SV2B: variants seen among roughly 807,000 people sequenced by gnomAD.
SV2B encodes synaptic vesicle glycoprotein 2B.
A neutral mutation model predicts 73.9 loss-of-function variants in SV2B; 41 were observed. That is an observed-to-expected ratio of 0.56 (90% CI 0.43 to 0.72). The LOEUF is 0.72. SV2B is among the 30% of genes least tolerant of loss of function. The pLI is 0.00. For synonymous variants in SV2B, 314 were observed against 314.2 expected (o/e 1.00, Z 0.01); for missense variants, 764 against 857.8 (o/e 0.89, Z 1.37).
intron 1 of SV2B, among the ~76,000 whole-genome samples, chr15:91,104,922 G>C (rs1228004223): frequency 6.6e-6 from 1 of 152,146 alleles, no homozygotes; most frequent in Non-Finnish European, 1.5e-5. Context: ...GTGAGCCACC[G>C]CGCCTGACTG....
Position 91,106,642 on chromosome 15 carries a change from CA to C in SV2B, c.-392+6281del, listed in dbSNP as rs2041891938. Among the ~76,000 whole-genome samples, 1 of 152,002 alleles carries C rather than the reference CA, an allele frequency of 6.6e-6. No individual in the cohort carries two copies. ...TGTGGTGACAAGAAAGAAAGAGGAA[CA>C]AGTGGAAACCAAAAAATAGCTCATA... On this transcript the variant is annotated intron_variant, in intron 1 of 12. Transcript: ENST00000394232. This position sits in a 1 kb window ranked among gnomAD's most constrained non-coding sequence, Gnocchi z 4.4.
rs2046805596 is a variant in SV2B at position 91,236,885 on chromosome 15, A to G, written c.451+10171A>G. On this transcript the variant is annotated intron_variant, in intron 2 of 12. Coordinates refer to ENST00000394232, the MANE Select transcript of SV2B (RefSeq NM_001323032.3). The surrounding 1 kb of genome is among the most constrained non-coding windows in gnomAD (Gnocchi z 4.1). ...GGGCTTCTTTTGAGCATCTCTCTCT[A>G]TCTCCATACGATCTTTAAATGTGAT... Among the ~76,000 whole-genome samples the G allele has an allele frequency of 6.6e-6, 1 of 151,812 alleles. No homozygotes were observed. Among genetic ancestry groups the G allele is most frequent in the Admixed American group, 6.6e-5 (1 of 15,238 alleles).
rs2042877581 is a variant in SV2B, at chr15:91,137,617, T to TA, written c.-392+37254_-392+37255insA. 2.4e-5 allele frequency among the ~76,000 whole-genome samples: 3 copies of TA among 122,758 alleles called. No homozygotes were observed. Among genetic ancestry groups the TA allele is most frequent in the African/African-American group, 6.4e-5 (2 of 31,138 alleles). 80.5% of individuals were successfully genotyped at this position (122,758 alleles called of 152,430 possible). Reference sequence around the variant, plus strand: ...TATATATATATATTTCATATATATATTTCATATATACATATATTTCATATA... The same window carrying TA: ...TATATATATATATTTCATATATATATATTCATATATACATATATTTCATATA... On this transcript the variant is annotated intron_variant, in intron 1 of 12. Transcript: ENST00000394232. This position sits in a 1 kb window ranked among gnomAD's most constrained non-coding sequence, Gnocchi z 4.9.
chr15:91,212,222 A>T (rs2045892554), intron 1 of SV2B, among the ~76,000 whole-genome samples: 1 of 152,228 alleles, frequency 6.6e-6, no homozygotes, highest in South Asian at 2.1e-4. Context: ...TCTCAGGAAA[A>T]ACAAAAGCAA....
intron 2 of SV2B, among the ~76,000 whole-genome samples, chr15:91,246,755 T>C (rs2047249640): frequency 6.6e-6 from 1 of 151,730 alleles, no homozygotes; most frequent in African/African-American, 2.4e-5. Context: ...CTCCTTCTTC[T>C]CCTCTTCCTC....
intron 1 of SV2B, among the ~76,000 whole-genome samples, chr15:91,199,373 T>G (rs1288392944): frequency 6.6e-6 from 1 of 151,988 alleles, no homozygotes; most frequent in Non-Finnish European, 1.5e-5. Context: ...TCCAGGCCAG[T>G]GTGCTCCGGG....
chr15:91,282,722 T>C (rs1380944577), intron 10 of SV2B, among the ~76,000 whole-genome samples: 1 of 152,234 alleles, frequency 6.6e-6, no homozygotes, highest in African/African-American at 2.4e-5. Flanking sequence ...ATCTATGCTT[T>C]ATTCTTGGCA....
chr15:91,246,206 T>C (rs915413431), intron 2 of SV2B, among the ~76,000 whole-genome samples: 13 of 152,206 alleles, frequency 8.5e-5, no homozygotes, highest in East Asian at 7.7e-4. Flanking sequence ...GGCATACTAC[T>C]AAAAATAAGT....
In SV2B at chr15:91,123,451, G is replaced by A. The variant is rs1261402155; in HGVS notation, c.-392+23088G>A. On this transcript the variant is annotated intron_variant, in intron 1 of 12. Coordinates refer to ENST00000394232, the MANE Select transcript of SV2B (RefSeq NM_001323032.3). This position sits in a 1 kb window ranked among gnomAD's most constrained non-coding sequence, Gnocchi z 4.7. ...CATAATTTTTATTTGTCAATTAAAAGAAAGAAATAAGAGCTTGAGGAAGAT... is the reference window on the plus strand; with the variant it reads ...CATAATTTTTATTTGTCAATTAAAAAAAAGAAATAAGAGCTTGAGGAAGAT... Among the ~76,000 whole-genome samples, 3 of 152,048 alleles carry A rather than the reference G, an allele frequency of 2.0e-5. No individual in the cohort carries two copies. Among genetic ancestry groups the A allele is most frequent in the Non-Finnish European group, 4.4e-5 (3 of 68,012 alleles).
In SV2B at chr15:91,129,563, C is replaced by T. The variant is rs1446674587; in HGVS notation, c.-392+29200C>T. Among the ~76,000 whole-genome samples, 2 of 152,166 alleles carry T rather than the reference C, an allele frequency of 1.3e-5. No homozygotes were observed. The highest frequency in any genetic ancestry group is 2.4e-5 in the African/African-American group (1 of 41,438). ...TGGACAGAACCAAAACAGAAGGTCA[C>T]ATGTGCCCAGCACAGCACACTGGGC... On this transcript the variant is annotated intron_variant, in intron 1 of 12. Coordinates refer to ENST00000394232, the MANE Select transcript of SV2B (RefSeq NM_001323032.3). The surrounding 1 kb of genome is among the most constrained non-coding windows in gnomAD (Gnocchi z 5.1).
Position 91,231,572 on chromosome 15 carries a change from G to A in SV2B, c.451+4858G>A, listed in dbSNP as rs1386891355. 2.6e-5 allele frequency among the ~76,000 whole-genome samples: 4 copies of A among 152,278 alleles called. No homozygotes were observed. The highest frequency in any genetic ancestry group is 3.4e-3 in the Middle Eastern group (1 of 294). ...TATAGGATGACAATATTGGCGACAC[G>A]TAAGGCAAACCAACCCCATCCTTTT... On this transcript the variant is annotated intron_variant, in intron 2 of 12. Transcript: ENST00000394232. The surrounding 1 kb of genome is among the most constrained non-coding windows in gnomAD (Gnocchi z 4.5).
intron 1 of SV2B, among the ~76,000 whole-genome samples, chr15:91,125,841 A>C (rs2042466674): frequency 6.6e-6 from 1 of 150,994 alleles, no homozygotes; most frequent in Non-Finnish European, 1.5e-5. Context: ...CAGAGTGAGA[A>C]AATAAAGTCA....
rs564651793 is a variant in SV2B, at chr15:91,271,527, C to T, written c.1373+2922C>T. On this transcript the variant is annotated intron_variant, in intron 9 of 12. Coordinates refer to ENST00000394232, the MANE Select transcript of SV2B (RefSeq NM_001323032.3). Reference sequence around the variant, plus strand: ...TGTATGATTATGAAAATATAAATTTCTTCAAAAGTTGTAATGAGTTCATTG... The same window carrying T: ...TGTATGATTATGAAAATATAAATTTTTTCAAAAGTTGTAATGAGTTCATTG... 7.2e-5 allele frequency among the ~76,000 whole-genome samples: 11 copies of T among 152,224 alleles called. No homozygotes were observed. The East Asian group carries it at 2.1e-3, about 29-fold the overall frequency.
chr15:91,228,556 A>G (rs1457928586), intron 2 of SV2B, among the ~76,000 whole-genome samples: 1 of 152,214 alleles, frequency 6.6e-6, no homozygotes, highest in Non-Finnish European at 1.5e-5. Context: ...TAATGATTTC[A>G]TGGCCTGCTG....
intron 11 of SV2B, among the ~76,000 whole-genome samples, chr15:91,285,201 A>G (rs916362758): frequency 1.3e-5 from 2 of 152,218 alleles, no homozygotes; most frequent in South Asian, 2.1e-4. Context: ...GAATATCACT[A>G]TTATAAATAG....
intron 1 of SV2B, among the ~76,000 whole-genome samples, chr15:91,144,087 G>A (rs1394913305): frequency 6.6e-6 from 1 of 152,194 alleles, no homozygotes; most frequent in Non-Finnish European, 1.5e-5. Context: ...CTTTGTAATG[G>A]AAAATGTTAT....
At position 91,276,805 on chromosome 15, in the gene SV2B, G is replaced by GTTGTTATTATTA. The variant is rs528279430; in HGVS notation, c.1374-4921_1374-4920insGTTATTATTATT. On this transcript the variant is annotated intron_variant, in intron 9 of 12. Transcript: ENST00000394232. ...TTCCAGTATTTATATTATTGTTGTT[G>GTTGTTATTATTA]TTATTATTATTATTATTATTATTAT... Among the ~76,000 whole-genome samples the GTTGTTATTATTA allele has an allele frequency of 1.5e-3, 140 of 92,114 alleles. 2 individuals are homozygous for GTTGTTATTATTA. The highest frequency in any genetic ancestry group is 0.011 in the East Asian group (52 of 4,764). 60.4% of individuals were successfully genotyped at this position (92,114 alleles called of 152,430 possible). A position where few individuals can be genotyped will look rare whatever the true frequency, so the allele number is the denominator to read the frequency against.
In SV2B at chr15:91,118,057, A is replaced by T. The variant is rs916177155; in HGVS notation, c.-392+17694A>T. ...CTGGGTCTATGTAAGTAGAGGGATT[A>T]AAAAAAGTGGGTAGAATTTTTGAAA... On this transcript the variant is annotated intron_variant, in intron 1 of 12. Coordinates refer to ENST00000394232, the MANE Select transcript of SV2B (RefSeq NM_001323032.3). The surrounding 1 kb of genome is among the most constrained non-coding windows in gnomAD (Gnocchi z 4.7). Among the ~76,000 whole-genome samples the T allele has an allele frequency of 6.6e-6, 1 of 152,204 alleles. No individual in the cohort carries two copies. The highest frequency in any genetic ancestry group is 2.4e-5 in the African/African-American group (1 of 41,454).
chr15:91,218,973 C>T (rs557748043), intron 1 of SV2B, among the ~76,000 whole-genome samples: 1 of 152,194 alleles, frequency 6.6e-6, no homozygotes, highest in South Asian at 2.1e-4. Context: ...TGGTCTTTCT[C>T]TGTCACCCAG....
Sources: gnomAD v4.1 joint callset for allele counts (sites outside exome capture counted in the v4.1 genomes callset) on GRCh38, gnomAD v4.1.1 for gene constraint, Gnocchi (gnomAD v3.1) non-coding constraint, MANE v1.5 for transcripts, NCBI Gene and HGNC (gene_info 2026-07-23, HGNC 2026-07-21) for gene names.